Variants in LTBP1 observed in about 807,000 individuals in gnomAD.
LTBP1 encodes the protein latent transforming growth factor beta binding protein 1, also known as latent-transforming growth factor beta-binding protein 1.
LTBP1 carries 129 observed loss-of-function variants against 207.6 expected under a neutral mutation model. That is an observed-to-expected ratio of 0.62 (90% confidence interval 0.54 to 0.72). The LOEUF (loss-of-function observed/expected upper bound fraction) is 0.72. LTBP1 is among the 30% of genes least tolerant of loss of function. The probability of loss-of-function intolerance (pLI) is 0.00; values close to 1 mark genes in which losing one functional copy is unlikely to be tolerated. For missense variants in LTBP1, 2,281 were observed against 2,217.2 expected (o/e 1.03, Z -0.58); for synonymous variants, 963 against 833.7 (o/e 1.16, Z -2.67).
Position 33,304,184 on chromosome 2 carries a change from C to G in LTBP1, c.3481+2540C>G, listed in dbSNP as rs534556548. On this transcript the variant is annotated intron_variant, in intron 22 of 33. Transcript: ENST00000404816. ...TTCTTTTGGAATATATAATCAGGCC[C>G]TTTTAAAGTCAGGACTAGTTTCTCT... is the stretch of plus-strand genomic sequence containing the variant. Among the ~76,000 whole-genome samples the G allele has an allele frequency of 3.3e-5, 5 of 152,252 alleles. No individual in the cohort carries two copies. In the South Asian group the frequency reaches 1.0e-3, roughly 32 times the overall value.
At chr2:33,200,172 A>G (rs528893337) in intron 7 of LTBP1, among the ~76,000 whole-genome samples, 12 of 152,340 alleles carry the variant, frequency 7.9e-5, no homozygotes, top group South Asian at 4.1e-4. Flanking sequence ...TGCCAAGTCA[A>G]TCCTAAGCCA....
chr2:33,209,259 A>C (rs927878034), intron 7 of LTBP1, among the ~76,000 whole-genome samples: 1 of 152,086 alleles, frequency 6.6e-6, no homozygotes, highest in Non-Finnish European at 1.5e-5. Flanking sequence ...CTAAACCTGA[A>C]AGGACAGCTA....
intron 10 of LTBP1, among the ~76,000 whole-genome samples, chr2:33,250,973 G>C (rs1256474011): frequency 6.6e-6 from 1 of 152,200 alleles, no homozygotes; most frequent in East Asian, 1.9e-4. Flanking sequence ...CCACTGCCCA[G>C]GAGCCTGAGA....
At chr2:33,183,027 C>T (rs1271068624) in intron 5 of LTBP1, among the ~76,000 whole-genome samples, 1 of 151,944 alleles carries the variant, frequency 6.6e-6, no homozygotes, top group Non-Finnish European at 1.5e-5. Flanking sequence ...GGAATAATTT[C>T]AACATGTTTG....
chr2:33,365,229 CT>C (rs1237719864), intron 30 of LTBP1, 103 bp from the exon 31 acceptor site: 1 of 989,636 alleles, frequency 1.0e-6, no homozygotes, highest in Non-Finnish European at 1.5e-6. Context: ...GGAAGTCACT[CT>C]TAGAAATAGA....
intron 3 of LTBP1, among the ~76,000 whole-genome samples, chr2:33,098,687 C>T (rs1206925670): frequency 6.6e-6 from 1 of 152,138 alleles, no homozygotes; most frequent in Admixed American, 6.5e-5. Flanking sequence ...AATCCGCCCA[C>T]CTTGGCCTTC....
intron 5 of LTBP1, among the ~76,000 whole-genome samples, chr2:33,155,935 A>T (rs925840227): frequency 6.6e-6 from 1 of 152,220 alleles, no homozygotes; most frequent in African/African-American, 2.4e-5. Flanking sequence ...CTTCAGTGCT[A>T]GACAGCAAAC....
intron 2 of LTBP1, among the ~76,000 whole-genome samples, chr2:33,001,407 C>A (rs219170): frequency 0.72 from 96,653 of 133,360 alleles, 42,055 homozygotes; most frequent in East Asian, 0.9. Context: ...TTGCATTTCT[C>A]GAAAGATTCC....
rs2095381247 is a variant in LTBP1, at chr2:33,398,633, C to T, written c.*88C>T. 1 of 1,279,270 alleles carries T rather than the reference C, an allele frequency of 7.8e-7. No individual in the cohort carries two copies. 79.2% of individuals were successfully genotyped at this position (1,279,270 alleles called of 1,614,324 possible). A position where few individuals can be genotyped will look rare whatever the true frequency, so the allele number is the denominator to read the frequency against. On this transcript the variant is annotated 3_prime_UTR_variant, in exon 34 of 34. Transcript: ENST00000404816. Reference sequence around the variant, plus strand: ...TATTATACTTGAGACATTGCACCTACCCCGGAAGGCTGGAAATACAGAAAC... The same window carrying T: ...TATTATACTTGAGACATTGCACCTATCCCGGAAGGCTGGAAATACAGAAAC...
intron 18 of LTBP1, among the ~76,000 whole-genome samples, chr2:33,276,686 C>T (rs1186924733): frequency 6.6e-6 from 1 of 152,006 alleles, no homozygotes; most frequent in African/African-American, 2.4e-5. Context: ...CTCCCTCTCT[C>T]CTAAAAATAC....
chr2:32,984,265 C>A (rs1437149656), intron 2 of LTBP1, among the ~76,000 whole-genome samples: 1 of 152,202 alleles, frequency 6.6e-6, no homozygotes, highest in Middle Eastern at 3.2e-3. Flanking sequence ...TCTGATACTA[C>A]AAGTGGTTTT....
At chr2:33,011,135 A>G (rs1460537963) in intron 2 of LTBP1, among the ~76,000 whole-genome samples, 1 of 152,182 alleles carries the variant, frequency 6.6e-6, no homozygotes, top group East Asian at 1.9e-4. Context: ...GAATGACAAG[A>G]CACAACAGGA....
chr2:33,173,007 G>A (rs1247153090), intron 5 of LTBP1, among the ~76,000 whole-genome samples: 1 of 152,088 alleles, frequency 6.6e-6, no homozygotes, highest in Non-Finnish European at 1.5e-5. Context: ...TCAAAGCAGT[G>A]TGTAGAGGGA....
intron 5 of LTBP1, among the ~76,000 whole-genome samples, chr2:33,151,145 T>C (rs990955035): frequency 5.9e-5 from 9 of 152,232 alleles, no homozygotes; most frequent in Admixed American, 2.6e-4. Flanking sequence ...TATGCATTCA[T>C]CTGTCGATGT....
At chr2:33,304,108 C>T (rs6543705) in intron 22 of LTBP1, among the ~76,000 whole-genome samples, 56,508 of 152,116 alleles carry the variant, frequency 0.37, 11,416 homozygotes, top group Non-Finnish European at 0.43. Flanking sequence ...TTAGCAAACT[C>T]GTTCTTCATT....
chr2:33,354,773 G>A lies in LTBP1; in HGVS notation c.4001-5824G>A, dbSNP rs566349468. Among the ~76,000 whole-genome samples the A allele has an allele frequency of 5.4e-5, 8 of 146,802 alleles. No individual in the cohort carries two copies. The South Asian group carries it at 8.7e-4, about 16-fold the overall frequency. On this transcript the variant is annotated intron_variant, in intron 26 of 33. Transcript: ENST00000404816. Reference sequence around the variant, plus strand: ...TTTTATTTTTTTGAGACAGGATCTCGCTCTGTTGCCCAGGCTGGAGTGTAG... The same window carrying A: ...TTTTATTTTTTTGAGACAGGATCTCACTCTGTTGCCCAGGCTGGAGTGTAG...
At position 33,363,413 on chromosome 2, in the gene LTBP1, G is replaced by T; in HGVS notation, c.4294G>T (p.Gly1432Ter). ...YKDADECLLF[G>*]QEICKNGFCL... Reference sequence around the variant, plus strand: ...AGATGCAGATGAATGCCTACTTTTTGGACAAGAAATCTGCAAAAATGGTTT... The same window carrying T: ...AGATGCAGATGAATGCCTACTTTTTTGACAAGAAATCTGCAAAAATGGTTT... The change falls in exon 29 of 34, where the codon GGA (glycine) becomes TGA (stop). Residue 1432 changes from glycine to a stop codon, truncating the protein, a stop_gained. Transcript: ENST00000404816. LOFTEE classifies it high-confidence loss of function. The T allele has an allele frequency of 6.2e-7, 1 of 1,613,494 alleles. No homozygotes were observed. The highest frequency in any genetic ancestry group is 1.1e-5 in the South Asian group (1 of 91,028).
In LTBP1 at chr2:33,130,669, C is replaced by T. The variant is rs568562578; in HGVS notation, c.1034-4124C>T. ...TGAATATCTGTGGTTTGTTTTAAAC[C>T]GAGTGCCAGTGCCTCTTCTTGGAGG... is the stretch of plus-strand genomic sequence containing the variant. On this transcript the variant is annotated intron_variant, in intron 4 of 33. Transcript: ENST00000404816. Among the ~76,000 whole-genome samples the T allele has an allele frequency of 1.5e-3, 227 of 152,162 alleles. 1 individual carries two copies. The highest frequency in any genetic ancestry group is 2.5e-3 in the Non-Finnish European group (167 of 68,012).
At chr2:33,182,271 A>G (rs1429335322) in intron 5 of LTBP1, among the ~76,000 whole-genome samples, 1 of 152,160 alleles carries the variant, frequency 6.6e-6, no homozygotes, top group Admixed American at 6.5e-5. Flanking sequence ...TTAGAGGTAG[A>G]TTTAAATGAA....
Sources: gnomAD v4.1 joint callset for allele counts (sites outside exome capture counted in the v4.1 genomes callset) on GRCh38, gnomAD v4.1.1 for gene constraint, MANE v1.5 for transcripts, NCBI Gene and HGNC (gene_info 2026-07-23, HGNC 2026-07-21) for gene names.